ASAP1: variants seen among roughly 807,000 people sequenced by gnomAD.
ASAP1 encodes ArfGAP with SH3 domain, ankyrin repeat and PH domain 1, also known as arf-GAP with SH3 domain, ANK repeat and PH domain-containing protein 1.
Under a neutral mutation model 145.2 loss-of-function variants are expected in ASAP1, and 43 were observed. The ratio of observed to expected loss-of-function variants is 0.30; its 90% CI spans 0.23 to 0.38. ASAP1 has a LOEUF of 0.38. Among genes scored for constraint, ASAP1 ranks in the 10% least tolerant of loss-of-function variants. The probability of loss-of-function intolerance (pLI) is 1.00; values close to 1 mark genes in which losing one functional copy is unlikely to be tolerated. For synonymous variants in ASAP1, 546 were observed against 515.5 expected, an observed-to-expected ratio of 1.06 and a Z score of -0.80; for missense variants, 1,018 against 1,355.3, an observed-to-expected ratio of 0.75 and a Z score of 3.91.
chr8:130,304,421 A>G (rs1822867505), intron 3 of ASAP1, among the ~76,000 whole-genome samples: 1 of 152,162 alleles, frequency 6.6e-6, no homozygotes, highest in Non-Finnish European at 1.5e-5. Context: ...TAAGTCTTCT[A>G]TTGTAATACT....
intron 1 of ASAP1, among the ~76,000 whole-genome samples, chr8:130,432,922 A>G (rs1242577116): frequency 5.3e-5 from 8 of 152,224 alleles, no homozygotes; most frequent in Non-Finnish European, 1.0e-4. Context: ...ATGTCCTGCC[A>G]GCAAAAGAGA....
chr8:130,317,359 G>C (rs2137613663), intron 3 of ASAP1, among the ~76,000 whole-genome samples: 1 of 152,286 alleles, frequency 6.6e-6, no homozygotes, highest in Middle Eastern at 3.4e-3. Flanking sequence ...GACCCTTGTA[G>C]GGGAAAAGAA....
chr8:130,318,406 T>C (rs917756441), intron 3 of ASAP1, among the ~76,000 whole-genome samples: 3 of 152,208 alleles, frequency 2.0e-5, no homozygotes, highest in Non-Finnish European at 4.4e-5. Flanking sequence ...TGAGGTGCAT[T>C]AGCTGTGCCA....
At chr8:130,367,088 C>T (rs1826993253) in intron 2 of ASAP1, among the ~76,000 whole-genome samples, 1 of 151,720 alleles carries the variant, frequency 6.6e-6, no homozygotes, top group Non-Finnish European at 1.5e-5. Flanking sequence ...GACGGGGTTT[C>T]ACCATGCTGG....
intron 1 of ASAP1, among the ~76,000 whole-genome samples, chr8:130,410,183 G>T (rs2138633997): frequency 6.6e-6 from 1 of 152,238 alleles, no homozygotes; most frequent in Admixed American, 6.5e-5. Context: ...GGAAGTATTG[G>T]TTAGCAAAAT....
intron 3 of ASAP1, among the ~76,000 whole-genome samples, chr8:130,250,766 A>C (rs1819145398): frequency 6.6e-6 from 1 of 152,224 alleles, no homozygotes. Flanking sequence ...GAGTTAAAAA[A>C]AAATCCAAAT....
At chr8:130,340,540 T>C (rs1825310003) in intron 3 of ASAP1, among the ~76,000 whole-genome samples, 1 of 152,208 alleles carries the variant, frequency 6.6e-6, no homozygotes, top group Non-Finnish European at 1.5e-5. Context: ...TTTATACTCT[T>C]GTACCCAATG....
intron 3 of ASAP1, among the ~76,000 whole-genome samples, chr8:130,267,565 A>G (rs1820335372): frequency 1.3e-5 from 2 of 152,232 alleles, no homozygotes; most frequent in African/African-American, 4.8e-5. Flanking sequence ...AGTCATCTCT[A>G]CAGCTAGGCT....
At chr8:130,094,118 ATTG>A (rs2097511995) in intron 24 of ASAP1, among the ~76,000 whole-genome samples, 1 of 152,144 alleles carries the variant, frequency 6.6e-6, no homozygotes, top group South Asian at 2.1e-4. Flanking sequence ...CAATACAGAG[ATTG>A]TTATTATGGC....
chr8:130,441,363 T>C (rs907612299), intron 1 of ASAP1, among the ~76,000 whole-genome samples: 1 of 152,168 alleles, frequency 6.6e-6, no homozygotes, highest in Non-Finnish European at 1.5e-5. Context: ...GCTTAATAAA[T>C]GGGGTGACTG....
chr8:130,255,834 T>C (rs1586694128), intron 3 of ASAP1, among the ~76,000 whole-genome samples: 1 of 152,192 alleles, frequency 6.6e-6, no homozygotes, highest in Admixed American at 6.5e-5. Flanking sequence ...AAAATCTAAC[T>C]AATCCTCTTG....
intron 3 of ASAP1, among the ~76,000 whole-genome samples, chr8:130,329,125 T>TA (rs1224280008): frequency 9.2e-5 from 14 of 152,136 alleles, no homozygotes; most frequent in African/African-American, 2.7e-4. Context: ...ACACTTAGGG[T>TA]ATGAGAGCCC....
intron 3 of ASAP1, among the ~76,000 whole-genome samples, chr8:130,246,683 T>C (rs1228191039): frequency 6.6e-6 from 1 of 152,160 alleles, no homozygotes; most frequent in African/African-American, 2.4e-5. Flanking sequence ...CAATATCAGG[T>C]AGTTCTTTAT....
chr8:130,422,153 C>T (rs903036324), intron 1 of ASAP1, among the ~76,000 whole-genome samples: 1 of 152,090 alleles, frequency 6.6e-6, no homozygotes, highest in African/African-American at 2.4e-5. Context: ...ACAAACCTTA[C>T]AGGCCTTCAG....
chr8:130,127,812 G>A (rs2097577309), intron 16 of ASAP1, 115 bp downstream of exon 16: 4 of 1,132,736 alleles, frequency 3.5e-6, no homozygotes, highest in Non-Finnish European at 4.9e-6. Context: ...CGTGTTTTGT[G>A]TGTGTATGTG....
chr8:130,144,686 T>C lies in ASAP1; in HGVS notation c.1081-7648A>G, dbSNP rs971683950. Among the ~76,000 whole-genome samples, 6 of 152,126 alleles carry C rather than the reference T, an allele frequency of 3.9e-5. 1 individual carries two copies. The highest frequency in any genetic ancestry group is 3.9e-4 in the Admixed American group (6 of 15,274). ...TGTGGCCACAACTAAAGCTCTCACA[T>C]CCCCTGTGTGATCCTTCAGACAGGG... On this transcript the variant is annotated intron_variant, in intron 13 of 29. Transcript: ENST00000518721.
At chr8:130,087,755 G>C (rs189451183) in intron 25 of ASAP1, among the ~76,000 whole-genome samples, 5 of 152,144 alleles carry the variant, frequency 3.3e-5, no homozygotes, top group Admixed American at 3.3e-4. Flanking sequence ...TTAGGCAAGC[G>C]ATCAGCGTGA....
chr8:130,155,599 G>A (rs548369046), intron 12 of ASAP1, among the ~76,000 whole-genome samples: 5 of 152,150 alleles, frequency 3.3e-5, no homozygotes, highest in East Asian at 1.9e-4. Context: ...TGCCGGCCTC[G>A]GCCTCCTAAA....
At chr8:130,132,020 T>C (rs1214149815) in intron 15 of ASAP1, among the ~76,000 whole-genome samples, 1 of 152,262 alleles carries the variant, frequency 6.6e-6, no homozygotes, top group East Asian at 1.9e-4. Context: ...CTCACCCAAA[T>C]TACTCACCTG....
Sources: gnomAD v4.1 joint callset for allele counts (sites outside exome capture counted in the v4.1 genomes callset) on GRCh38, gnomAD v4.1.1 for gene constraint, MANE v1.5 for transcripts, NCBI Gene and HGNC (gene_info 2026-07-23, HGNC 2026-07-21) for gene names.